PUM2: variants seen among roughly 807,000 people sequenced by gnomAD.
PUM2 encodes the protein pumilio homolog 2.
A neutral mutation model predicts 124.5 loss-of-function variants in PUM2; 57 were observed. The ratio of observed to expected loss-of-function variants is 0.46; its 90% CI spans 0.37 to 0.57. The LOEUF (loss-of-function observed/expected upper bound fraction) is 0.57, where lower values mean the gene tolerates loss of function less well. Ranked by LOEUF, PUM2 falls within the 20% of genes least tolerant of loss-of-function variation. PUM2 has a pLI of 0.00. For missense variants in PUM2, 1,065 were observed against 1,290.6 expected (o/e 0.83, Z 2.68); for synonymous variants, 460 against 446.1 (o/e 1.03, Z -0.39).
At chr2:20,319,031 T>C (rs1681680655) in intron 2 of PUM2, among the ~76,000 whole-genome samples, 1 of 152,186 alleles carries the variant, frequency 6.6e-6, no homozygotes. Flanking sequence ...CCACCTCCTA[T>C]CATATCTTCT....
In PUM2 at chr2:20,262,563, T is replaced by C. The variant is rs567554485; in HGVS notation, c.2225+630A>G. ...CGTATCCCCGTCATTAAGTGATGCA[T>C]GACTGTATAGGGAGACAAAATTTGT... On this transcript the variant is annotated intron_variant, in intron 14 of 20. Coordinates refer to ENST00000361078, the MANE Select transcript of PUM2 (RefSeq NM_015317.5). Among the ~76,000 whole-genome samples, 249 of 152,330 alleles carry C rather than the reference T, an allele frequency of 1.6e-3. 2 individuals are homozygous for C. Among genetic ancestry groups the C allele is most frequent in the African/African-American group, 5.9e-3 (244 of 41,580 alleles).
chr2:20,321,113 G>C (rs1682234530), intron 2 of PUM2, among the ~76,000 whole-genome samples: 1 of 152,118 alleles, frequency 6.6e-6, no homozygotes, highest in African/African-American at 2.4e-5. Context: ...TGGGATTAAA[G>C]TTCCGGGAGT....
chr2:20,259,870 T>A (rs970248561), intron 15 of PUM2, among the ~76,000 whole-genome samples: 1 of 152,220 alleles, frequency 6.6e-6, no homozygotes, highest in African/African-American at 2.4e-5. Context: ...CCATAGCAGC[T>A]ACACCATTTT....
intron 3 of PUM2, among the ~76,000 whole-genome samples, chr2:20,317,799 T>G (rs750787013): frequency 1.1e-4 from 17 of 152,166 alleles, no homozygotes; most frequent in Non-Finnish European, 1.8e-4. Context: ...GTATTTGGTT[T>G]TCTGTTCCTG....
At chr2:20,288,854 AGGGGATCATGT>A (rs1283878004) in intron 10 of PUM2, among the ~76,000 whole-genome samples, 1 of 152,230 alleles carries the variant, frequency 6.6e-6, no homozygotes, top group Non-Finnish European at 1.5e-5. Flanking sequence ...TTTTAGTGTG[AGGGGATCATGT>A]GAACAGCCCA....
At chr2:20,320,477 G>A (rs900497954) in intron 2 of PUM2, among the ~76,000 whole-genome samples, 14 of 151,936 alleles carry the variant, frequency 9.2e-5, no homozygotes, top group African/African-American at 3.4e-4. Context: ...TTAAAGGGAA[G>A]AGAAGAAATT....
intron 1 of PUM2, among the ~76,000 whole-genome samples, chr2:20,333,614 T>C (rs920813000): frequency 1.8e-4 from 28 of 152,306 alleles, no homozygotes; most frequent in African/African-American, 6.7e-4. Flanking sequence ...ATTTACATTA[T>C]TAAAAGTATT....
chr2:20,251,454 A>G lies in PUM2; in HGVS notation c.*131T>C. 7.7e-6 allele frequency: 9 copies of G among 1,164,718 alleles called. No homozygotes were observed. Among genetic ancestry groups the G allele is most frequent in the Non-Finnish European group, 1.1e-5 (9 of 839,330 alleles). The allele number at this position is 1,164,718 out of a possible 1,614,324, so 72.1% of individuals were successfully genotyped here. A position where few individuals can be genotyped will look rare whatever the true frequency, so the allele number is the denominator to read the frequency against. On this transcript the variant is annotated 3_prime_UTR_variant, in exon 21 of 21. Coordinates refer to ENST00000361078, the MANE Select transcript of PUM2 (RefSeq NM_015317.5). ...ACCTTAAAAAATTTACAAATGGATG[A>G]ATAAAGTCAATAAATAGTTTTGCTT...
chr2:20,352,226 ACTAATGCTAGC>A (rs1221469503), upstream of PUM2: 2 of 152,232 alleles, frequency 1.3e-5, no homozygotes, highest in Non-Finnish European at 2.9e-5. Flanking sequence ...CTGCCTCCTC[ACTAATGCTAGC>A]CTTGCTTCCC....
intron 15 of PUM2, among the ~76,000 whole-genome samples, chr2:20,259,640 T>A (rs1358424218): frequency 6.6e-6 from 1 of 152,236 alleles, no homozygotes; most frequent in Non-Finnish European, 1.5e-5. Context: ...TGAATAATAT[T>A]CTATAATGTA....
chr2:20,315,771 G>A (rs553301007), intron 3 of PUM2, among the ~76,000 whole-genome samples: 6 of 145,208 alleles, frequency 4.1e-5, no homozygotes, highest in East Asian at 2.0e-4. Flanking sequence ...GACAAGCCTC[G>A]GCAACATGGT....
intron 13 of PUM2, among the ~76,000 whole-genome samples, chr2:20,267,744 T>A (rs903452377): frequency 6.6e-6 from 1 of 152,198 alleles, no homozygotes; most frequent in Non-Finnish European, 1.5e-5. Flanking sequence ...CCAAAAGGTA[T>A]GGGACATGCA....
intron 1 of PUM2, among the ~76,000 whole-genome samples, chr2:20,345,658 G>A (rs1688107758): frequency 6.6e-6 from 1 of 152,114 alleles, no homozygotes; most frequent in African/African-American, 2.4e-5. Flanking sequence ...TGGATCACTT[G>A]AGGTCAGGAG....
At chr2:20,285,972 G>C (rs527402088) in intron 10 of PUM2, among the ~76,000 whole-genome samples, 1 of 152,196 alleles carries the variant, frequency 6.6e-6, no homozygotes, top group South Asian at 2.1e-4. Context: ...ATATCTGTAG[G>C]AAGGCATCTC....
chr2:20,272,411 C>T (rs1395329067), intron 13 of PUM2, among the ~76,000 whole-genome samples: 3 of 152,322 alleles, frequency 2.0e-5, no homozygotes, highest in Non-Finnish European at 4.4e-5. Flanking sequence ...TATTCAACTA[C>T]TCCTGCCCAA....
intron 7 of PUM2, among the ~76,000 whole-genome samples, 174 bp from the exon 8 acceptor site, chr2:20,297,852 A>C (rs2148331678): frequency 6.6e-6 from 1 of 152,338 alleles, no homozygotes; most frequent in African/African-American, 2.4e-5. Flanking sequence ...ACTCTAAATT[A>C]GTTTTCATTT....
At chr2:20,336,890 G>C (rs1214210306) in intron 1 of PUM2, among the ~76,000 whole-genome samples, 1 of 151,710 alleles carries the variant, frequency 6.6e-6, no homozygotes, top group Non-Finnish European at 1.5e-5. Context: ...CCAAAGTGCT[G>C]GGATTACAGG....
rs191442919 is a variant in PUM2 at position 20,258,260 on chromosome 2, T to C, written c.2467A>G (p.Ile823Val). ...CRVIQKALES[I>V]SSDQQSEMVK... ...ACAATTACCTGCTGGTCAGAAGAAA[T>C]AGATTCTAATGCTTTCTGAATAACG... Residue 823 changes from isoleucine (I) to valine (V), a missense_variant, in exon 16 of 21, where the codon ATT (isoleucine) becomes GTT (valine). Transcript: ENST00000361078. 1.2e-5 allele frequency: 20 copies of C among 1,600,272 alleles called. No individual in the cohort carries two copies. Among genetic ancestry groups the C allele is most frequent in the East Asian group, 9.0e-5 (4 of 44,446 alleles).
chr2:20,254,746 A>G (rs1476938685), intron 19 of PUM2, 117 bp downstream of exon 19: 7 of 1,129,992 alleles, frequency 6.2e-6, no homozygotes, highest in Non-Finnish European at 7.3e-6. Context: ...CATTTTAATG[A>G]TACCAAAAAA....
Sources: gnomAD v4.1 joint callset for allele counts (sites outside exome capture counted in the v4.1 genomes callset) on GRCh38, gnomAD v4.1.1 for gene constraint, MANE v1.5 for transcripts, NCBI Gene and HGNC (gene_info 2026-07-23, HGNC 2026-07-21) for gene names.